The following NCOR1 variants were observed in gnomAD, a reference collection of about 807,000 sequenced individuals.
The protein encoded by NCOR1 is nuclear receptor corepressor 1.
A neutral mutation model predicts 288.1 loss-of-function variants in NCOR1; 63 were observed. The ratio of observed to expected loss-of-function variants is 0.22; its 90% CI spans 0.18 to 0.27. NCOR1 has a LOEUF of 0.27. NCOR1 is among the 10% of genes least tolerant of loss of function. The pLI is 1.00. For synonymous variants in NCOR1, 1,007 were observed against 1,065.9 expected, an observed-to-expected ratio of 0.94 and a Z score of 1.08; for missense variants, 2,397 against 3,019.2, an observed-to-expected ratio of 0.79 and a Z score of 4.83.
chr17:16,035,999 T>A (rs2056282358), intron 44 of NCOR1, among the ~76,000 whole-genome samples: 2 of 152,234 alleles, frequency 1.3e-5, no homozygotes, highest in African/African-American at 4.8e-5. Flanking sequence ...GTTAATAGCA[T>A]CTAAAATGGT....
At chr17:16,098,839 T>TG (rs2067110733) in intron 20 of NCOR1, 1 of 163,126 alleles carries the variant, frequency 6.1e-6, no homozygotes, top group Admixed American at 6.3e-5. Context: ...AATACTGACT[T>TG]ACAGGTTGAA....
intron 1 of NCOR1, among the ~76,000 whole-genome samples, chr17:16,195,007 A>T (rs998906415): frequency 6.6e-6 from 1 of 152,230 alleles, no homozygotes; most frequent in Non-Finnish European, 1.5e-5. Flanking sequence ...TTGCGAAAAG[A>T]ATTCAAGAGT....
At chr17:16,145,707 C>T (rs919998066) in intron 10 of NCOR1, among the ~76,000 whole-genome samples, 177 of 151,878 alleles carry the variant, frequency 1.2e-3, no homozygotes, top group Non-Finnish European at 1.9e-3. Flanking sequence ...CCGCCCAGTC[C>T]GGGAGGTGGG....
intron 15 of NCOR1, 87 bp downstream of exon 15, chr17:16,125,995 T>C: frequency 1.4e-6 from 1 of 698,814 alleles, no homozygotes; most frequent in Non-Finnish European, 2.2e-6. Context: ...TATATCCATG[T>C]GACAACTGTA....
rs1441094420 is a variant in NCOR1 at position 16,067,998 on chromosome 17, G to A, written c.4637C>T (p.Pro1546Leu). ...GCTGCCTCTGTGATGGGGATCAAAC[G>A]GACTGTGGCTCACGACAGGGTCCAC... ...PGVDPVVSHS[P>L]FDPHHRGSTA... Residue 1546 changes from proline (P) to leucine (L), a missense_variant, in exon 32 of 46, where the codon CCG (proline) becomes CTG (leucine). This residue lies in a region of NCOR1 where 1,872 missense variants were observed against 2,187.8 expected (regional missense o/e 0.86). Transcript: ENST00000268712. 1.9e-5 allele frequency: 30 copies of A among 1,614,088 alleles called. No individual in the cohort carries two copies. The highest frequency in any genetic ancestry group is 6.7e-5 in the Admixed American group (4 of 59,996).
Position 16,205,023 on chromosome 17 carries a change from C to T in NCOR1, c.-71+10339G>A, listed in dbSNP as rs566884657. Among the ~76,000 whole-genome samples, 6 of 152,242 alleles carry T rather than the reference C, an allele frequency of 3.9e-5. No homozygotes were observed. In the South Asian group the frequency reaches 1.2e-3, roughly 32 times the overall value. ...ATCACCTGAAGTCGGGAGTTTCAGA[C>T]CAGCCTGACCAACAAGGAGAAACCC... On this transcript the variant is annotated intron_variant, in intron 1 of 45. Transcript: ENST00000268712.
At chr17:16,212,301 T>C (rs746016817) in intron 1 of NCOR1, among the ~76,000 whole-genome samples, 1 of 152,036 alleles carries the variant, frequency 6.6e-6, no homozygotes, top group African/African-American at 2.4e-5. Context: ...AGATAATCTA[T>C]AGACTGAGTT....
intron 1 of NCOR1, among the ~76,000 whole-genome samples, chr17:16,204,828 G>A (rs1231751478): frequency 6.6e-6 from 1 of 152,202 alleles, no homozygotes; most frequent in South Asian, 2.1e-4. Flanking sequence ...ATTAAATAAT[G>A]TGCCCAAGGT....
chr17:16,086,463 T>G, intron 22 of NCOR1, 21 bp from the exon 23 acceptor site: 1 of 1,601,472 alleles, frequency 6.2e-7, no homozygotes, highest in South Asian at 1.1e-5. Context: ...GAAAGAAAAA[T>G]GATTTTAAAC....
At chr17:16,068,173 T>A in intron 31 of NCOR1, 52 bp from the exon 32 acceptor site, 1 of 1,380,460 alleles carries the variant, frequency 7.2e-7, no homozygotes, top group Non-Finnish European at 1.0e-6. Flanking sequence ...GCAAGTATGA[T>A]AATATTTGTC....
At chr17:16,084,817 T>A (rs2063959787) in intron 23 of NCOR1, among the ~76,000 whole-genome samples, 1 of 152,140 alleles carries the variant, frequency 6.6e-6, no homozygotes, top group South Asian at 2.1e-4. Context: ...TTGAGACTGG[T>A]CACATGCCTC....
At chr17:16,096,167 G>A (rs1183916695) in intron 21 of NCOR1, among the ~76,000 whole-genome samples, 1 of 152,114 alleles carries the variant, frequency 6.6e-6, no homozygotes, top group African/African-American at 2.4e-5. Context: ...CCAATCTCAA[G>A]TACCAGGGAC....
chr17:16,049,071 T>C, intron 40 of NCOR1, 83 bp from the exon 41 acceptor site: 1 of 1,384,036 alleles, frequency 7.2e-7, no homozygotes, highest in East Asian at 2.5e-5. Context: ...AACTCATGAC[T>C]TCATTCAGGA....
chr17:16,040,725 G>A (rs1372889048), intron 42 of NCOR1: 5 of 556,084 alleles, frequency 9.0e-6, no homozygotes, highest in South Asian at 1.7e-5. Flanking sequence ...AGGTAAGGTA[G>A]GAACATCAAA....
intron 13 of NCOR1, chr17:16,137,905 G>A (rs758534075): frequency 5.2e-6 from 2 of 386,188 alleles, no homozygotes; most frequent in Non-Finnish European, 9.1e-6. Context: ...ATTTAATGAG[G>A]CTCCAAAAGC....
At chr17:16,112,148 C>T (rs550103960) in intron 18 of NCOR1, among the ~76,000 whole-genome samples, 10 of 152,138 alleles carry the variant, frequency 6.6e-5, no homozygotes, top group South Asian at 6.2e-4. Flanking sequence ...AGATTACAGG[C>T]GTGAGTCCCC....
At chr17:16,118,266 C>T (rs1428132016) in intron 17 of NCOR1, among the ~76,000 whole-genome samples, 1 of 152,124 alleles carries the variant, frequency 6.6e-6, no homozygotes, top group East Asian at 1.9e-4. Context: ...AGGGCTAAAC[C>T]TTGTCCTTCC....
At chr17:16,113,787 G>A (rs527501203) in intron 18 of NCOR1, among the ~76,000 whole-genome samples, 10 of 152,220 alleles carry the variant, frequency 6.6e-5, no homozygotes, top group Admixed American at 4.6e-4. Flanking sequence ...CAGCTGCTAA[G>A]GAGGCTGAGG....
chr17:16,144,962 G>A (rs527560771), intron 10 of NCOR1, among the ~76,000 whole-genome samples: 18 of 152,116 alleles, frequency 1.2e-4, no homozygotes, highest in African/African-American at 4.1e-4. Flanking sequence ...CCTCTGTTGC[G>A]GAAGCTGGAC....
Sources: allele counts gnomAD v4.1 joint callset (sites outside exome capture counted in the v4.1 genomes callset), GRCh38; gene constraint gnomAD v4.1.1; regional missense constraint gnomAD v4.1.1; transcripts MANE v1.5; gene names NCBI Gene and HGNC (gene_info 2026-07-23, HGNC 2026-07-21).